MAP4K3: variants seen among roughly 807,000 people sequenced by gnomAD.
MAP4K3 encodes mitogen-activated protein kinase kinase kinase kinase 3.
A neutral mutation model predicts 143.5 loss-of-function variants in MAP4K3; 94 were observed. That is an observed-to-expected ratio of 0.65 (90% CI 0.55 to 0.78). The LOEUF is 0.78. Among genes scored for constraint, MAP4K3 ranks in the 30% least tolerant of loss-of-function variants. The pLI is 0.00. For missense variants in MAP4K3, 1,077 were observed against 1,068.1 expected (o/e 1.01, Z -0.12); for synonymous variants, 416 against 347.2 (o/e 1.20, Z -2.20).
chr2:39,309,548 A>ATT (rs749101883), intron 13 of MAP4K3, 29 bp from the exon 14 acceptor site: 86,679 of 332,472 alleles, frequency 0.26, 17,230 homozygotes, highest in Non-Finnish European at 0.29. Flanking sequence ...TAAAACCAGG[A>ATT]TTTTTTTTTT....
intron 1 of MAP4K3, among the ~76,000 whole-genome samples, chr2:39,392,403 C>T (rs182874536): frequency 5.9e-5 from 9 of 151,936 alleles, no homozygotes; most frequent in Non-Finnish European, 1.0e-4. Flanking sequence ...CTCAATATTG[C>T]CTATTATATA....
intron 24 of MAP4K3, among the ~76,000 whole-genome samples, chr2:39,275,859 T>C (rs1278386113): frequency 6.6e-6 from 1 of 152,178 alleles, no homozygotes; most frequent in African/African-American, 2.4e-5. Context: ...ATTTTATTTG[T>C]AATCAATTTA....
chr2:39,325,172 G>C (rs1683446096), intron 12 of MAP4K3, among the ~76,000 whole-genome samples: 1 of 152,060 alleles, frequency 6.6e-6, no homozygotes, highest in African/African-American at 2.4e-5. Context: ...CAAATGTCTT[G>C]TTTAGGCACT....
chr2:39,331,590 T>C (rs1159377890), intron 8 of MAP4K3, among the ~76,000 whole-genome samples: 1 of 151,664 alleles, frequency 6.6e-6, no homozygotes. Context: ...GAAATGGGGG[T>C]GAAGAAAGAT....
intron 21 of MAP4K3, among the ~76,000 whole-genome samples, chr2:39,284,829 G>C (rs1681693219): frequency 6.6e-6 from 1 of 151,718 alleles, no homozygotes; most frequent in Non-Finnish European, 1.5e-5. Flanking sequence ...GGGCGACAGA[G>C]CGAGACTCCA....
In MAP4K3 at chr2:39,299,770, TG is replaced by T; in HGVS notation, c.1150del (p.Gln384LysfsTer6). Reference protein sequence around the residue: ...DLQLEYGQGHQGGYFLGANKS... With the variant: ...DLQLEYGQGHXGGYFLGANKS... Reference sequence around the variant, plus strand: ...GTTTGCACCTAAAAAGTAACCACCTTGGTGTCCTTGTCCATATTCCAGTTGC... The same window carrying T: ...GTTTGCACCTAAAAAGTAACCACCTTGTGTCCTTGTCCATATTCCAGTTGC... On this transcript the variant is annotated frameshift_variant, in exon 16 of 34. Transcript: ENST00000263881. LOFTEE classifies it high-confidence loss of function. 6.3e-7 allele frequency: 1 copy of T among 1,577,392 alleles called. No individual in the cohort carries two copies. Among genetic ancestry groups the T allele is most frequent in the South Asian group, 1.2e-5 (1 of 82,542 alleles).
chr2:39,292,812 T>C lies in MAP4K3; in HGVS notation c.1232A>G (p.His411Arg). ...EELHQRGHVA[H>R]LEDDEGDDDE... is the part of the protein sequence containing the mutation. ...ATCATCTCCTTCATCATCTTCTAAATGTGCGACGTGTCCTCTAAATAAAAA... is the reference window on the plus strand; with the variant it reads ...ATCATCTCCTTCATCATCTTCTAAACGTGCGACGTGTCCTCTAAATAAAAA... Residue 411 changes from histidine (H) to arginine (R), a missense_variant, in exon 18 of 34, where the codon CAT (histidine) becomes CGT (arginine). By Grantham distance (29) the His-to-Arg change is conservative. This residue lies in a region of MAP4K3 where 864 missense variants were observed against 801.2 expected (regional missense o/e 1.08). Coordinates refer to ENST00000263881, the MANE Select transcript of MAP4K3 (RefSeq NM_003618.4). 2.5e-6 allele frequency: 4 copies of C among 1,612,788 alleles called. No homozygotes were observed. Among genetic ancestry groups the C allele is most frequent in the South Asian group, 2.2e-5 (2 of 91,050 alleles).
At chr2:39,414,557 C>A (rs1230309591) in intron 1 of MAP4K3, among the ~76,000 whole-genome samples, 1 of 152,162 alleles carries the variant, frequency 6.6e-6, no homozygotes, top group Non-Finnish European at 1.5e-5. Context: ...TGTCTGCCTA[C>A]TATGCCTCAA....
At chr2:39,269,601 G>C (rs902634218) in intron 26 of MAP4K3, among the ~76,000 whole-genome samples, 1 of 149,570 alleles carries the variant, frequency 6.7e-6, no homozygotes, top group Non-Finnish European at 1.5e-5. Context: ...CAGCCTCCCA[G>C]GTAGCTGGAA....
intron 24 of MAP4K3, 64 bp downstream of exon 24, chr2:39,278,343 G>A (rs771084398): frequency 1.5e-5 from 13 of 892,212 alleles, no homozygotes; most frequent in Middle Eastern, 2.4e-4. Flanking sequence ...CCTTATTTCT[G>A]GTCTAATGTG....
At chr2:39,343,583 T>C (rs1665202390) in intron 3 of MAP4K3, 131 bp from the exon 4 acceptor site, 1 of 634,740 alleles carries the variant, frequency 1.6e-6, no homozygotes, top group Non-Finnish European at 2.7e-6. Flanking sequence ...TTAAAATAAC[T>C]AATTAATCTT....
intron 2 of MAP4K3, among the ~76,000 whole-genome samples, chr2:39,372,542 T>C (rs1005433531): frequency 6.7e-6 from 1 of 148,574 alleles, no homozygotes; most frequent in Non-Finnish European, 1.5e-5. Context: ...CTTCAAATTA[T>C]ACTACAGAGC....
intron 1 of MAP4K3, among the ~76,000 whole-genome samples, chr2:39,407,644 T>C (rs1667132655): frequency 6.6e-6 from 1 of 152,148 alleles, no homozygotes; most frequent in Non-Finnish European, 1.5e-5. Context: ...TGACCTTGGA[T>C]CACTGCAGCC....
rs142364483 is a variant in MAP4K3, at chr2:39,260,683, C to T, written c.2231G>A (p.Arg744Lys). The T allele has an allele frequency of 9.2e-4, 1,486 of 1,613,786 alleles. 2 individuals carry two copies. The highest frequency in any genetic ancestry group is 1.2e-3 in the Non-Finnish European group (1,407 of 1,179,830). Residue 744 changes from arginine to lysine, a missense_variant, in exon 29 of 34, where the codon AGA (arginine) becomes AAA (lysine). By Grantham distance (26) the Arg-to-Lys change is conservative. Transcript: ENST00000263881. ...EYPLVCVGVS[R>K]GRDFNQVVRF... The stretch of plus-strand genomic sequence containing the variant: ...AACCACTTGGTTGAAGTCTCTACCT[C>T]TACTGACACCAACACAAACTAAAGG...
chr2:39,384,970 G>C (rs1163137155), intron 1 of MAP4K3, among the ~76,000 whole-genome samples: 2 of 152,108 alleles, frequency 1.3e-5, no homozygotes, highest in Non-Finnish European at 2.9e-5. Flanking sequence ...TTTTCTTTTT[G>C]AGAATGCCAT....
At chr2:39,390,365 C>T (rs1666619445) in intron 1 of MAP4K3, among the ~76,000 whole-genome samples, 1 of 152,188 alleles carries the variant, frequency 6.6e-6, no homozygotes, top group African/African-American at 2.4e-5. Context: ...TTAAACAACT[C>T]AATACAAACC....
intron 1 of MAP4K3, among the ~76,000 whole-genome samples, chr2:39,380,919 G>GAAC (rs898958335): frequency 1.3e-5 from 2 of 152,162 alleles, no homozygotes; most frequent in Admixed American, 1.3e-4. Context: ...ACTAATTTTA[G>GAAC]AACACTTTCA....
chr2:39,376,337 C>T (rs1381473214), intron 2 of MAP4K3, among the ~76,000 whole-genome samples: 2 of 152,004 alleles, frequency 1.3e-5, no homozygotes, highest in South Asian at 2.1e-4. Context: ...TGGTGATTAA[C>T]CTTTGTTTTC....
intron 24 of MAP4K3, among the ~76,000 whole-genome samples, chr2:39,273,302 T>C (rs960328432): frequency 5.9e-5 from 9 of 152,158 alleles, no homozygotes; most frequent in Non-Finnish European, 1.2e-4. Context: ...AAATGTAAAT[T>C]CTTGGACCTC....
Sources: allele counts gnomAD v4.1 joint callset (sites outside exome capture counted in the v4.1 genomes callset), GRCh38; gene constraint gnomAD v4.1.1; regional missense constraint gnomAD v4.1.1; transcripts MANE v1.5; gene names NCBI Gene and HGNC (gene_info 2026-07-23, HGNC 2026-07-21).